Variants in FAM186A observed in about 807,000 individuals in gnomAD.
FAM186A encodes the protein protein FAM186A.
FAM186A carries 163 observed loss-of-function variants against 216.8 expected under a neutral mutation model. The observed-to-expected ratio is 0.75, with a 90% confidence interval of 0.66 to 0.86. The LOEUF is 0.86. FAM186A is among the 40% of genes least tolerant of loss of function. FAM186A has a pLI of 0.00. For missense variants in FAM186A, 2,184 were observed against 2,746.2 expected, an observed-to-expected ratio of 0.80 and a Z score of 4.58; for synonymous variants, 805 against 1,025.3, an observed-to-expected ratio of 0.79 and a Z score of 4.10.
chr12:50,365,678 C>A lies in FAM186A; in HGVS notation c.193-2314G>T. On this transcript the variant is annotated intron_variant, in intron 1 of 7. Coordinates refer to ENST00000327337, the MANE Select transcript of FAM186A (RefSeq NM_001145475.3). ...TGAAGTTCAGTCCCTTTGTGACTTC[C>A]GACTGAAGCAAGAATCACAAAAGGC... 4.2e-6 allele frequency: 3 copies of A among 717,702 alleles called. No homozygotes were observed. The South Asian group carries it at 4.5e-5, about 11-fold the overall frequency. 44.5% of individuals were successfully genotyped at this position (717,702 alleles called of 1,614,324 possible). A position where few individuals can be genotyped will look rare whatever the true frequency, so the allele number is the denominator to read the frequency against.
chr12:50,382,325 A>G (rs1592632502), intron 1 of FAM186A, among the ~76,000 whole-genome samples: 1 of 151,404 alleles, frequency 6.6e-6, no homozygotes, highest in Admixed American at 6.6e-5. Context: ...TAAGCATGTT[A>G]CTGGCAGAGG....
intron 3 of FAM186A, 115 bp from the exon 4 acceptor site, chr12:50,356,363 G>A (rs1942977812): frequency 1.3e-6 from 1 of 769,010 alleles, no homozygotes; most frequent in Non-Finnish European, 1.9e-6. Context: ...TTAAATATAA[G>A]ATAAAGATTA....
At chr12:50,363,049 C>A (rs573524703) in intron 2 of FAM186A, 96 bp downstream of exon 2, 2 of 1,074,394 alleles carry the variant, frequency 1.9e-6, no homozygotes, top group Non-Finnish European at 2.6e-6. Context: ...GTCTTTTCTT[C>A]TTTAATCTGA....
rs1405658065 is a variant in FAM186A at position 50,346,819 on chromosome 12, C to T, written c.6503+3510G>A. Among the ~76,000 whole-genome samples the T allele has an allele frequency of 2.0e-5, 3 of 151,696 alleles. No individual in the cohort carries two copies. In the East Asian group the frequency reaches 5.8e-4, roughly 29 times the overall value. The stretch of plus-strand genomic sequence containing the variant: ...TGGAGATTGCCCCACTGCACTCCAG[C>T]CTGGGCAGCAGAGCGACACTCTGTT... On this transcript the variant is annotated intron_variant, in intron 4 of 7. Transcript: ENST00000327337.
Position 50,354,446 on chromosome 12 carries a change from A to G in FAM186A, c.2386T>C (p.Leu796=). 6.4e-7 allele frequency: 1 copy of G among 1,551,532 alleles called. No homozygotes were observed. Among genetic ancestry groups the G allele is most frequent in the Non-Finnish European group, 8.7e-7 (1 of 1,146,986 alleles). ...TCTCTTTCACTTTCTATTTCAGCCA[A>G]GATCATTTGTATTAAATTGTTAATT... ...PVINNLIQMI[L]AEIESERDIP... is the part of the protein sequence containing the mutation. Residue 796 remains leucine, a synonymous_variant, in exon 4 of 8, where the codon TTG becomes CTG. Coordinates refer to ENST00000327337, the MANE Select transcript of FAM186A (RefSeq NM_001145475.3).
intron 1 of FAM186A, among the ~76,000 whole-genome samples, chr12:50,378,560 A>G (rs1565894784): frequency 1.9e-5 from 2 of 104,902 alleles, no homozygotes; most frequent in African/African-American, 3.3e-5. Flanking sequence ...TGTAAATTGT[A>G]TATATATATA....
rs11169383 is a variant in FAM186A at position 50,334,331 on chromosome 12, C to T, written c.6504-228G>A. Among the ~76,000 whole-genome samples, 308 of 152,020 alleles carry T rather than the reference C, an allele frequency of 2.0e-3. 1 individual carries two copies. Among genetic ancestry groups the T allele is most frequent in the African/African-American group, 6.5e-3 (269 of 41,460 alleles). ...GGACTACAGGTGCGCACCACCATGC[C>T]CAGCTAATTTTTGTATTTTTAGTAG... is the stretch of plus-strand genomic sequence containing the variant. On this transcript the variant is annotated intron_variant, in intron 4 of 7. Transcript: ENST00000327337.
intron 1 of FAM186A, among the ~76,000 whole-genome samples, chr12:50,387,262 T>C (rs961962018): frequency 2.0e-5 from 3 of 152,210 alleles, no homozygotes; most frequent in African/African-American, 7.2e-5. Flanking sequence ...CTCCCTCTTT[T>C]GGTTGGATTA....
chr12:50,372,101 C>T (rs931353717), intron 1 of FAM186A, among the ~76,000 whole-genome samples: 2 of 151,766 alleles, frequency 1.3e-5, no homozygotes. Flanking sequence ...CGTGAGCCAT[C>T]GTGGCTGGCC....
intron 2 of FAM186A, among the ~76,000 whole-genome samples, chr12:50,362,331 T>C (rs571149384): frequency 5.9e-5 from 9 of 152,294 alleles, no homozygotes; most frequent in African/African-American, 1.9e-4. Flanking sequence ...TTCTAGATGC[T>C]GTGGATACAA....
At chr12:50,372,663 G>A (rs1472590302) in intron 1 of FAM186A, among the ~76,000 whole-genome samples, 1 of 151,422 alleles carries the variant, frequency 6.6e-6, no homozygotes, top group Non-Finnish European at 1.5e-5. Flanking sequence ...CACTTTGGGA[G>A]GCCGAGGCGG....
intron 4 of FAM186A, among the ~76,000 whole-genome samples, chr12:50,346,372 C>T (rs894587479): frequency 1.3e-5 from 2 of 151,982 alleles, no homozygotes; most frequent in African/African-American, 4.8e-5. Context: ...TCTGGGATTA[C>T]AGGCACACAC....
At chr12:50,392,296 G>A in intron 1 of FAM186A, 1 of 170,006 alleles carries the variant, frequency 5.9e-6, no homozygotes, top group Non-Finnish European at 1.2e-5. Flanking sequence ...TGTTTGTTTT[G>A]AGACGGAGTC....
At position 50,354,074 on chromosome 12, in the gene FAM186A, A is replaced by G. The variant is rs368254606; in HGVS notation, c.2758T>C (p.Ser920Pro). Residue 920 changes from serine (S) to proline (P), a missense_variant, in exon 4 of 8, where the codon TCA becomes CCA. Ser to Pro is a moderately conservative substitution (Grantham distance 74). Transcript: ENST00000327337. ...RGQEEEELPKSSLQRLEEGTQ... is the reference protein window; with the variant it reads ...RGQEEEELPKPSLQRLEEGTQ... ...CCTTCTTCCAGCCGCTGCAGGCTTG[A>G]CTTTGGAAGCTCTTCTTCCTCCTGT... is the stretch of plus-strand genomic sequence containing the variant. 3 of 1,551,278 alleles carry G rather than the reference A, an allele frequency of 1.9e-6. No homozygotes were observed. Among genetic ancestry groups the G allele is most frequent in the Non-Finnish European group, 2.6e-6 (3 of 1,146,936 alleles).
intron 3 of FAM186A, 72 bp from the exon 4 acceptor site, chr12:50,356,320 C>G: frequency 7.9e-7 from 1 of 1,269,074 alleles, no homozygotes; most frequent in Non-Finnish European, 1.0e-6. Context: ...ATGTTTAAAT[C>G]TAAGGAATTT....
At chr12:50,373,862 T>C (rs562687434) in intron 1 of FAM186A, among the ~76,000 whole-genome samples, 2 of 152,016 alleles carry the variant, frequency 1.3e-5, no homozygotes, top group East Asian at 1.9e-4. Flanking sequence ...GTATGTTTAT[T>C]GCAGCATTAT....
rs1175783940 is a variant in FAM186A at position 50,355,266 on chromosome 12, TC to T, written c.1565del (p.Arg522LysfsTer6). 1 of 1,551,498 alleles carries T rather than the reference TC, an allele frequency of 6.4e-7. No homozygotes were observed. The highest frequency in any genetic ancestry group is 1.4e-5 in the African/African-American group (1 of 73,054). On this transcript the variant is annotated frameshift_variant, in exon 4 of 8. Transcript: ENST00000327337. LOFTEE classifies it high-confidence loss of function. ...DKSKSPTEAKRKHLSLTETKS... is the reference protein window; with the variant it reads ...DKSKSPTEAKXKHLSLTETKS... ...TTGTTTCAGTTAAAGAGAGATGTTT[TC>T]TTTTTGCTTCAGTGGGTGACTTTGA...
At chr12:50,370,875 T>A (rs1943136906) in intron 1 of FAM186A, among the ~76,000 whole-genome samples, 1 of 151,994 alleles carries the variant, frequency 6.6e-6, no homozygotes, top group Non-Finnish European at 1.5e-5. Context: ...GGTGGGCAGG[T>A]CACTTGAGGT....
intron 1 of FAM186A, among the ~76,000 whole-genome samples, chr12:50,375,015 C>A (rs1274087363): frequency 6.6e-6 from 1 of 151,326 alleles, no homozygotes; most frequent in Non-Finnish European, 1.5e-5. Context: ...CCCTTTCTAT[C>A]AAAAATACAA....
Sources: gnomAD v4.1 joint callset for allele counts (sites outside exome capture counted in the v4.1 genomes callset) on GRCh38, gnomAD v4.1.1 for gene constraint, MANE v1.5 for transcripts, NCBI Gene and HGNC (gene_info 2026-07-23, HGNC 2026-07-21) for gene names.